The following ROBO1 variants were observed in gnomAD, a reference collection of about 807,000 sequenced individuals.
ROBO1 encodes roundabout guidance receptor 1.
In ROBO1, 149 loss-of-function variants were observed where a neutral mutation model predicts 195.9. That is an observed-to-expected ratio of 0.76 (90% CI 0.67 to 0.87). ROBO1 has a LOEUF of 0.87. Among genes scored for constraint, ROBO1 ranks in the 40% least tolerant of loss-of-function variants. The pLI is 0.00. For missense variants in ROBO1, 1,933 were observed against 2,068.3 expected, an observed-to-expected ratio of 0.93 and a Z score of 1.27; for synonymous variants, 816 against 733.2, an observed-to-expected ratio of 1.11 and a Z score of -1.82.
intron 2 of ROBO1, among the ~76,000 whole-genome samples, chr3:79,404,376 G>A (rs540336922): frequency 2.0e-5 from 3 of 152,180 alleles, no homozygotes; most frequent in Admixed American, 6.6e-5. Flanking sequence ...ACATATGGGT[G>A]TATATATTAA....
intron 3 of ROBO1, among the ~76,000 whole-genome samples, chr3:79,049,167 G>T (rs901647474): frequency 1.3e-5 from 2 of 152,074 alleles, no homozygotes; most frequent in East Asian, 3.9e-4. Context: ...TTAGATGAAT[G>T]GGTAACTAGA....
chr3:78,813,183 A>G (rs1011471904), intron 4 of ROBO1, among the ~76,000 whole-genome samples: 42 of 152,082 alleles, frequency 2.8e-4, no homozygotes, highest in African/African-American at 9.4e-4. Context: ...TATTCAAATA[A>G]TAAGGAAGAA....
chr3:79,524,402 A>G (rs1029072430), intron 2 of ROBO1, among the ~76,000 whole-genome samples: 1 of 152,100 alleles, frequency 6.6e-6, no homozygotes, highest in African/African-American at 2.4e-5. Context: ...AAGCATACCT[A>G]GAAAGAGTTA....
intron 3 of ROBO1, among the ~76,000 whole-genome samples, chr3:79,010,801 G>A (rs1028317569): frequency 6.6e-6 from 1 of 152,118 alleles, no homozygotes; most frequent in Admixed American, 6.5e-5. Flanking sequence ...AATTCATGGA[G>A]ATTAATAGCA....
chr3:79,049,393 C>T (rs2108359617), intron 3 of ROBO1, among the ~76,000 whole-genome samples: 1 of 152,162 alleles, frequency 6.6e-6, no homozygotes, highest in South Asian at 2.1e-4. Context: ...AAATAAGGGA[C>T]TATGTGAAAA....
rs574119686 is a variant in ROBO1 at position 78,600,109 on chromosome 3, A to T, written c.4941+4T>A. ...TGGTAAACTTGGGGAAAAATTATAG[A>T]TACCTCTAATTCTTCATTATTATCT... is the stretch of plus-strand genomic sequence containing the variant. On this transcript the variant is annotated splice_donor_region_variant and intron_variant, in intron 30 of 30. Coordinates refer to ENST00000464233, the MANE Select transcript of ROBO1 (RefSeq NM_002941.4). The T allele has an allele frequency of 6.2e-7, 1 of 1,601,604 alleles. No individual in the cohort carries two copies. The highest frequency in any genetic ancestry group is 1.1e-5 in the South Asian group (1 of 90,818).
intron 3 of ROBO1, among the ~76,000 whole-genome samples, chr3:79,110,277 T>C (rs1389799749): frequency 1.3e-5 from 2 of 151,986 alleles, no homozygotes; most frequent in African/African-American, 2.4e-5. Flanking sequence ...CTATATAATA[T>C]ACATATATCA....
intron 2 of ROBO1, among the ~76,000 whole-genome samples, chr3:79,322,379 A>C (rs1356380758): frequency 6.6e-6 from 1 of 152,232 alleles, no homozygotes; most frequent in Non-Finnish European, 1.5e-5. Flanking sequence ...ACTGAGCATT[A>C]TGGGAGCATA....
intron 4 of ROBO1, among the ~76,000 whole-genome samples, chr3:78,865,550 C>T (rs537403936): frequency 2.7e-4 from 41 of 150,672 alleles, no homozygotes; most frequent in African/African-American, 9.3e-4. Flanking sequence ...TGGCTCACTG[C>T]AAGCTCCGCC....
chr3:78,979,993 T>C (rs1015974582), intron 3 of ROBO1, among the ~76,000 whole-genome samples: 10 of 152,144 alleles, frequency 6.6e-5, no homozygotes, highest in Admixed American at 2.0e-4. Flanking sequence ...CTTATATTTA[T>C]TAAAACGCAC....
intron 10 of ROBO1, among the ~76,000 whole-genome samples, chr3:78,672,150 G>A (rs989995417): frequency 6.6e-6 from 1 of 152,106 alleles, no homozygotes; most frequent in Non-Finnish European, 1.5e-5. Flanking sequence ...GTATTGTTAT[G>A]CATATTTAAA....
intron 4 of ROBO1, among the ~76,000 whole-genome samples, chr3:78,867,953 T>C (rs2035285478): frequency 6.6e-6 from 1 of 152,208 alleles, no homozygotes; most frequent in Admixed American, 6.5e-5. Context: ...CCTCTCCGTC[T>C]ATTCTTGTCT....
chr3:79,302,802 A>G (rs11924570), intron 2 of ROBO1, among the ~76,000 whole-genome samples: 1 of 152,060 alleles, frequency 6.6e-6, no homozygotes, highest in Non-Finnish European at 1.5e-5. Context: ...AATTGACATC[A>G]TATTAAAAAA....
chr3:79,327,104 C>A (rs1427484007), intron 2 of ROBO1, among the ~76,000 whole-genome samples: 1 of 151,726 alleles, frequency 6.6e-6, no homozygotes, highest in East Asian at 1.9e-4. Flanking sequence ...ACATTACACA[C>A]AAAAAAACAA....
At chr3:79,340,172 A>G (rs1035082774) in intron 2 of ROBO1, among the ~76,000 whole-genome samples, 4 of 152,112 alleles carry the variant, frequency 2.6e-5, no homozygotes, top group Non-Finnish European at 5.9e-5. Flanking sequence ...CCATCACCTT[A>G]TATAAATTTG....
chr3:78,606,604 T>C, intron 29 of ROBO1, 129 bp downstream of exon 29: 1 of 839,354 alleles, frequency 1.2e-6, no homozygotes, highest in Non-Finnish European at 2.0e-6. Flanking sequence ...TTCGAGTACA[T>C]GCCTATCTCC....
chr3:79,121,589 T>C (rs1479094105), intron 3 of ROBO1, among the ~76,000 whole-genome samples: 1 of 152,024 alleles, frequency 6.6e-6, no homozygotes, highest in Non-Finnish European at 1.5e-5. Flanking sequence ...TAGATTTTAC[T>C]TAAATTGACA....
chr3:78,972,907 T>G (rs992482719), intron 3 of ROBO1, among the ~76,000 whole-genome samples: 1 of 152,154 alleles, frequency 6.6e-6, no homozygotes, highest in Non-Finnish European at 1.5e-5. Context: ...GGGAAAGCTA[T>G]TAGATTGTGA....
At chr3:79,638,755 A>G (rs184715763) in intron 1 of ROBO1, among the ~76,000 whole-genome samples, 1 of 152,298 alleles carries the variant, frequency 6.6e-6, no homozygotes, top group African/African-American at 2.4e-5. Context: ...CTCCCACTCC[A>G]ATCTAAGTTG....
Sources: gnomAD v4.1 joint callset for allele counts (sites outside exome capture counted in the v4.1 genomes callset) on GRCh38, gnomAD v4.1.1 for gene constraint, MANE v1.5 for transcripts, NCBI Gene and HGNC (gene_info 2026-07-23, HGNC 2026-07-21) for gene names.